EHMT1: variants seen among roughly 807,000 people sequenced by gnomAD.
The protein encoded by EHMT1 is histone-lysine N-methyltransferase EHMT1.
A neutral mutation model predicts 147.2 loss-of-function variants in EHMT1; 15 were observed. The observed-to-expected ratio is 0.10, with a 90% CI of 0.07 to 0.16. The LOEUF (loss-of-function observed/expected upper bound fraction) is 0.16. EHMT1 is among the 10% of genes least tolerant of loss of function. EHMT1 has a pLI of 1.00. For missense variants in EHMT1, 1,587 were observed against 1,772.4 expected, an observed-to-expected ratio of 0.90 and a Z score of 1.88; for synonymous variants, 795 against 709.6, an observed-to-expected ratio of 1.12 and a Z score of -1.91.
At chr9:137,703,597 C>T (rs1242838506) in intron 1 of EHMT1, among the ~76,000 whole-genome samples, 1 of 152,168 alleles carries the variant, frequency 6.6e-6, no homozygotes, top group African/African-American at 2.4e-5. Flanking sequence ...TTTGCTAAAG[C>T]ATAGCAAGAG....
At chr9:137,763,360 C>G in intron 10 of EHMT1, 1 of 194,252 alleles carries the variant, frequency 5.1e-6, no homozygotes, top group South Asian at 1.1e-4. Context: ...TTCTCCAGTT[C>G]TTTTTAACAC....
At position 137,714,818 on chromosome 9, in the gene EHMT1, G is replaced by A. The variant is rs564928293; in HGVS notation, c.86-1808G>A. Among the ~76,000 whole-genome samples, 7 of 152,122 alleles carry A rather than the reference G, an allele frequency of 4.6e-5. No homozygotes were observed. In the East Asian group the frequency reaches 1.4e-3, roughly 29 times the overall value. On this transcript the variant is annotated intron_variant, in intron 2 of 26. Coordinates refer to ENST00000460843, the MANE Select transcript of EHMT1 (RefSeq NM_024757.5). ...GCCTCCTTGGCCTCCCAAAGTGCTG[G>A]GATTACAGGCATGAGCCACCACACC...
At chr9:137,641,333 TGAGA>T in intron 1 of EHMT1, 2 of 482,750 alleles carry the variant, frequency 4.1e-6, no homozygotes, top group Admixed American at 2.5e-5. Flanking sequence ...TGAAATTCTT[TGAGA>T]GAGCTTTATT....
chr9:137,742,913 A>T, intron 4 of EHMT1: 1 of 246,020 alleles, frequency 4.1e-6, no homozygotes, highest in Non-Finnish European at 7.9e-6. Flanking sequence ...TGTGCTGGGA[A>T]GGGAGGCTGG....
At chr9:137,672,309 G>T (rs1940764189) in intron 1 of EHMT1, among the ~76,000 whole-genome samples, 1 of 152,042 alleles carries the variant, frequency 6.6e-6, no homozygotes, top group South Asian at 2.1e-4. Flanking sequence ...TTGACAAATG[G>T]TAAAACTAAC....
At chr9:137,725,715 G>A (rs1946558878) in intron 3 of EHMT1, among the ~76,000 whole-genome samples, 1 of 152,160 alleles carries the variant, frequency 6.6e-6, no homozygotes, top group African/African-American at 2.4e-5. Context: ...GAGAGACAGA[G>A]AGGCAAGGAG....
intron 3 of EHMT1, among the ~76,000 whole-genome samples, chr9:137,723,325 C>T (rs34867285): frequency 8.2e-6 from 1 of 121,674 alleles, no homozygotes; most frequent in Non-Finnish European, 1.7e-5. Flanking sequence ...GGCCTGAGCC[C>T]GGGGTGTGTC....
intron 1 of EHMT1, among the ~76,000 whole-genome samples, chr9:137,685,052 CT>C (rs1942307725): frequency 6.6e-6 from 1 of 152,024 alleles, no homozygotes; most frequent in Non-Finnish European, 1.5e-5. Context: ...ACCTCTAAAT[CT>C]TTTTTCCCCT....
rs369838212 is a variant in EHMT1 at position 137,704,915 on chromosome 9, TTTTC to T, written c.22-6043_22-6040del. Reference sequence around the variant, plus strand: ...TTTCCTTTCCTTGTTCCTTCCTTCCTTTTCTTTCTTTCCTCCCTTCCTTCCCTTC... The same window carrying T: ...TTTCCTTTCCTTGTTCCTTCCTTCCTTTTCTTTCCTCCCTTCCTTCCCTTC... On this transcript the variant is annotated intron_variant, in intron 1 of 26. Coordinates refer to ENST00000460843, the MANE Select transcript of EHMT1 (RefSeq NM_024757.5). Among the ~76,000 whole-genome samples, 714 of 146,942 alleles carry T rather than the reference TTTTC, an allele frequency of 4.9e-3. 7 individuals are homozygous for T. The highest frequency in any genetic ancestry group is 0.016 in the African/African-American group (613 of 39,518).
Position 137,716,759 on chromosome 9 carries a change from T to G in EHMT1, c.219T>G (p.Thr73=). 6.2e-7 allele frequency: 1 copy of G among 1,612,868 alleles called. No homozygotes were observed. The highest frequency in any genetic ancestry group is 8.5e-7 in the Non-Finnish European group (1 of 1,179,730). The change falls in exon 3 of 27, where the codon ACT becomes ACG. Residue 73 remains threonine (T), a synonymous_variant. Transcript: ENST00000460843. ...ASSHANAAKH[T]QDSARVNPQD... ...GTCATGCAAATGCTGCAAAGCACAC[T>G]CAGGACAGCGCAAGGGTCAACCCCC...
chr9:137,621,037 G>A (rs964607140), intron 1 of EHMT1, among the ~76,000 whole-genome samples: 1 of 152,232 alleles, frequency 6.6e-6, no homozygotes, highest in Non-Finnish European at 1.5e-5. Context: ...GCCCAAGATT[G>A]AAGAGCTTGT....
intron 1 of EHMT1, among the ~76,000 whole-genome samples, chr9:137,693,614 A>C (rs1417262869): frequency 1.9e-5 from 2 of 104,854 alleles, no homozygotes; most frequent in South Asian, 3.6e-4. Flanking sequence ...TACCCCCCAC[A>C]CAGTGGCTCA....
chr9:137,657,441 T>G (rs1938582788), intron 1 of EHMT1, among the ~76,000 whole-genome samples: 1 of 149,172 alleles, frequency 6.7e-6, no homozygotes, highest in African/African-American at 2.5e-5. Flanking sequence ...GTGGTTTGAG[T>G]GGAAGTCGGC....
At chr9:137,709,187 CCTCCTGGA>C (rs1944485973) in intron 1 of EHMT1, among the ~76,000 whole-genome samples, 1 of 152,228 alleles carries the variant, frequency 6.6e-6, no homozygotes, top group African/African-American at 2.4e-5. Context: ...ATAGTTTTGA[CCTCCTGGA>C]CTCCTGGAAG....
intron 6 of EHMT1, 33 bp downstream of exon 6, chr9:137,744,123 G>C: frequency 6.2e-7 from 1 of 1,612,474 alleles, no homozygotes; most frequent in Non-Finnish European, 8.5e-7. Flanking sequence ...ACAGCACAAG[G>C]AAAGAGCATC....
intron 9 of EHMT1, among the ~76,000 whole-genome samples, chr9:137,758,806 A>G (rs529600927): frequency 6.6e-6 from 1 of 152,278 alleles, no homozygotes; most frequent in African/African-American, 2.4e-5. Context: ...CACCTAGGAA[A>G]TCACATCTTT....
At position 137,774,704 on chromosome 9, in the gene EHMT1, GC is replaced by G. The variant is rs1368708579; in HGVS notation, c.1648-400del. ...GGATCTGGTGGGTGTGGGCACGCCT[GC>G]CCCCTGGATCTGGTGGGTATGGTCG... On this transcript the variant is annotated intron_variant, in intron 10 of 26. Transcript: ENST00000460843. 1.7e-4 allele frequency among the ~76,000 whole-genome samples: 20 copies of G among 118,764 alleles called. 1 individual carries two copies. The highest frequency in any genetic ancestry group is 8.3e-4 in the African/African-American group (20 of 24,168). The allele number at this position is 118,764 out of a possible 152,430, so 77.9% of individuals were successfully genotyped here. A position where few individuals can be genotyped will look rare whatever the true frequency, so the allele number is the denominator to read the frequency against.
chr9:137,820,150 C>G (rs1955289613), intron 25 of EHMT1: 1 of 152,216 alleles, frequency 6.6e-6, no homozygotes, highest in South Asian at 2.1e-4. Context: ...AGGCTCCGTC[C>G]CTGCAGCCAC....
At chr9:137,632,145 A>G (rs758065779) in intron 1 of EHMT1, among the ~76,000 whole-genome samples, 15 of 152,260 alleles carry the variant, frequency 9.9e-5, no homozygotes, top group Non-Finnish European at 7.3e-5. Flanking sequence ...GATGACGCAT[A>G]TCTCCGAATG....
Sources: allele counts gnomAD v4.1 joint callset (sites outside exome capture counted in the v4.1 genomes callset), GRCh38; gene constraint gnomAD v4.1.1; transcripts MANE v1.5; gene names NCBI Gene and HGNC (gene_info 2026-07-23, HGNC 2026-07-21).